The following PCDH7 variants were observed in gnomAD, a reference collection of about 807,000 sequenced individuals.
PCDH7 encodes protocadherin-7.
A neutral mutation model predicts 58.9 loss-of-function variants in PCDH7; 17 were observed. The ratio of observed to expected loss-of-function variants is 0.29; its 90% CI spans 0.20 to 0.43. The LOEUF (loss-of-function observed/expected upper bound fraction) is 0.43. Among genes scored for constraint, PCDH7 ranks in the 20% least tolerant of loss-of-function variants. The probability of loss-of-function intolerance (pLI) is 1.00; values close to 1 mark genes in which losing one functional copy is unlikely to be tolerated. For missense variants in PCDH7, 1,274 were observed against 1,441.0 expected, an observed-to-expected ratio of 0.88 and a Z score of 1.88; for synonymous variants, 664 against 616.4, an observed-to-expected ratio of 1.08 and a Z score of -1.14.
At chr4:30,777,164 A>C (rs1244666335) in intron 1 of PCDH7, among the ~76,000 whole-genome samples, 1 of 152,150 alleles carries the variant, frequency 6.6e-6, no homozygotes, top group Non-Finnish European at 1.5e-5. Flanking sequence ...ATTTGGGGAA[A>C]GTTAATTTCT....
chr4:30,969,474 C>T (rs976844605), intron 3 of PCDH7, among the ~76,000 whole-genome samples: 1 of 152,028 alleles, frequency 6.6e-6, no homozygotes, highest in Non-Finnish European at 1.5e-5. Context: ...AATGAAGCAA[C>T]GTTTGGTTCC....
Position 30,723,085 on chromosome 4 carries a change from G to A in PCDH7, c.1663G>A (p.Ala555Thr), listed in dbSNP as rs1713966491. The A allele has an allele frequency of 1.2e-6, 2 of 1,613,810 alleles. No individual in the cohort carries two copies. The highest frequency in any genetic ancestry group is 1.7e-6 in the Non-Finnish European group (2 of 1,180,044). ...GAACAACATCCCGGGCGAGAGGGTG[G>A]CCACGGTGCTGGCGACAGACGCAGA... Residue 555 changes from alanine (A) to threonine (T), a missense_variant, in exon 1 of 2, where the codon GCC (alanine) becomes ACC (threonine). Ala to Thr is a moderately conservative substitution (Grantham distance 58). Around this residue, in one of 3 missense-constraint regions of PCDH7, gnomAD observed 731 missense variants for 881.9 expected, o/e 0.83. Transcript: ENST00000361762. This position sits in a 1 kb window ranked among gnomAD's most constrained non-coding sequence, Gnocchi z 4.6.
chr4:30,811,270 AACAG>A (rs1726961610), intron 1 of PCDH7, among the ~76,000 whole-genome samples: 2 of 152,202 alleles, frequency 1.3e-5, no homozygotes, highest in Admixed American at 1.3e-4. Flanking sequence ...AGTGTGATTC[AACAG>A]ACATTTATTA....
chr4:30,808,589 A>G (rs1726563735), intron 1 of PCDH7, among the ~76,000 whole-genome samples: 2 of 152,112 alleles, frequency 1.3e-5, no homozygotes, highest in Admixed American at 1.3e-4. Context: ...TGTTTTTCAT[A>G]TAAGCAATTA....
At chr4:31,096,171 C>T (rs1359563454) in intron 3 of PCDH7, among the ~76,000 whole-genome samples, 1 of 152,092 alleles carries the variant, frequency 6.6e-6, no homozygotes, top group African/African-American at 2.4e-5. Context: ...CAATGATTTG[C>T]ATTATATGAA....
chr4:30,851,383 C>A (rs1270119744), intron 1 of PCDH7, among the ~76,000 whole-genome samples: 1 of 151,896 alleles, frequency 6.6e-6, no homozygotes, highest in Non-Finnish European at 1.5e-5. Flanking sequence ...CCAAAGTTTA[C>A]CAGGCTCCCA....
Position 30,784,471 on chromosome 4 carries a change from T to C in PCDH7, c.70+59875T>C, listed in dbSNP as rs145363222. 1.4e-3 allele frequency among the ~76,000 whole-genome samples: 206 copies of C among 152,292 alleles called. 1 individual carries two copies. The highest frequency in any genetic ancestry group is 7.7e-3 in the East Asian group (40 of 5,172). Reference sequence around the variant, plus strand: ...GAGTTTCTGTTCCTCGATAACATTTTAATACGTGGACTTCATTATGCTGCA... The same window carrying C: ...GAGTTTCTGTTCCTCGATAACATTTCAATACGTGGACTTCATTATGCTGCA... On this transcript the variant is annotated intron_variant, in intron 1 of 3. Coordinates refer to the PCDH7 transcript ENST00000509759.
chr4:31,068,778 A>G (rs1028602391), intron 3 of PCDH7, among the ~76,000 whole-genome samples: 2 of 151,944 alleles, frequency 1.3e-5, no homozygotes, highest in Non-Finnish European at 2.9e-5. Context: ...ATTGTTCTTT[A>G]TCATTGTTTC....
At chr4:30,845,676 T>C (rs1731846729) in intron 1 of PCDH7, among the ~76,000 whole-genome samples, 2 of 152,104 alleles carry the variant, frequency 1.3e-5, no homozygotes, top group African/African-American at 4.8e-5. Flanking sequence ...CACAGCTCAC[T>C]ACAAACTCAA....
At chr4:30,977,612 A>G (rs1319602337) in intron 3 of PCDH7, among the ~76,000 whole-genome samples, 2 of 152,118 alleles carry the variant, frequency 1.3e-5, no homozygotes, top group East Asian at 1.9e-4. Context: ...AAAAATTTTC[A>G]CCAAGTGCAC....
At chr4:31,129,871 AC>A (rs1383706572) in intron 3 of PCDH7, among the ~76,000 whole-genome samples, 1 of 151,702 alleles carries the variant, frequency 6.6e-6, no homozygotes, top group Non-Finnish European at 1.5e-5. Flanking sequence ...CAGGTGATCC[AC>A]CCACCTCGGC....
intron 3 of PCDH7, among the ~76,000 whole-genome samples, chr4:30,953,226 C>T (rs1431522999): frequency 6.6e-6 from 1 of 152,120 alleles, no homozygotes; most frequent in East Asian, 1.9e-4. Flanking sequence ...CTTCCTGTAA[C>T]TTGAATCCAA....
At chr4:31,042,528 C>A (rs924531321) in intron 3 of PCDH7, among the ~76,000 whole-genome samples, 2 of 151,962 alleles carry the variant, frequency 1.3e-5, no homozygotes, top group Non-Finnish European at 2.9e-5. Context: ...TTATGCAGAT[C>A]GTTTCAAGAA....
chr4:30,909,167 G>C (rs894997320), intron 1 of PCDH7, among the ~76,000 whole-genome samples: 2 of 152,144 alleles, frequency 1.3e-5, no homozygotes, highest in African/African-American at 4.8e-5. Flanking sequence ...ACTAGGTATT[G>C]ATGGAACATA....
At chr4:30,964,156 T>C (rs1427617946) in intron 3 of PCDH7, among the ~76,000 whole-genome samples, 1 of 152,158 alleles carries the variant, frequency 6.6e-6, no homozygotes, top group Non-Finnish European at 1.5e-5. Context: ...GGAAATGTCT[T>C]ATTCATAGCT....
At chr4:30,830,933 C>T (rs758233051) in intron 1 of PCDH7, among the ~76,000 whole-genome samples, 10 of 152,144 alleles carry the variant, frequency 6.6e-5, no homozygotes, top group Non-Finnish European at 1.3e-4. Flanking sequence ...CTCTCTCCAT[C>T]TTTCTCTTCA....
downstream of PCDH7, among the ~76,000 whole-genome samples, chr4:30,736,461 T>C (rs1054753438): frequency 6.6e-6 from 1 of 152,014 alleles, no homozygotes; most frequent in Non-Finnish European, 1.5e-5. Context: ...CCAAGTGTAA[T>C]AGGCCTGTGA....
intron 3 of PCDH7, among the ~76,000 whole-genome samples, chr4:30,981,042 C>A (rs1039602614): frequency 6.6e-6 from 1 of 152,172 alleles, no homozygotes; most frequent in African/African-American, 2.4e-5. Context: ...GGAAGTTTCA[C>A]CATGTTGGCC....
chr4:30,930,406 G>C (rs1744423888), intron 2 of PCDH7, among the ~76,000 whole-genome samples: 1 of 152,182 alleles, frequency 6.6e-6, no homozygotes, highest in African/African-American at 2.4e-5. Context: ...AAAAATGCAA[G>C]TGATATTTAA....
Sources: allele counts gnomAD v4.1 joint callset (sites outside exome capture counted in the v4.1 genomes callset), GRCh38; gene constraint gnomAD v4.1.1; regional missense constraint gnomAD v4.1.1; non-coding constraint Gnocchi (gnomAD v3.1); transcripts MANE v1.5; gene names NCBI Gene and HGNC (gene_info 2026-07-23, HGNC 2026-07-21).